SLC30A9: variants seen among roughly 807,000 people sequenced by gnomAD.
SLC30A9 encodes solute carrier family 30 member 9.
SLC30A9 carries 58 observed loss-of-function variants against 87.5 expected under a neutral mutation model. That is an observed-to-expected ratio of 0.66 (90% CI 0.54 to 0.82). The LOEUF (loss-of-function observed/expected upper bound fraction) is 0.82. Ranked by LOEUF, SLC30A9 falls within the 40% of genes least tolerant of loss-of-function variation. The pLI is 0.00. For missense variants in SLC30A9, 557 were observed against 679.1 expected (o/e 0.82, Z 2.00); for synonymous variants, 234 against 233.0 (o/e 1.00, Z -0.04).
intron 1 of SLC30A9, 33 bp downstream of exon 1, chr4:41,990,793 G>A: frequency 1.3e-6 from 2 of 1,519,152 alleles, no homozygotes; most frequent in Non-Finnish European, 1.8e-6. Context: ...TGGCTCCGTA[G>A]AAGCCGAACT....
chr4:42,016,068 G>T (rs1715707005), intron 2 of SLC30A9, among the ~76,000 whole-genome samples: 1 of 152,014 alleles, frequency 6.6e-6, no homozygotes, highest in African/African-American at 2.4e-5. Context: ...TGTGACTTTG[G>T]GGGAAGTTAT....
intron 6 of SLC30A9, among the ~76,000 whole-genome samples, chr4:42,025,709 A>G (rs936142908): frequency 1.3e-5 from 2 of 152,182 alleles, no homozygotes; most frequent in Non-Finnish European, 2.9e-5. Flanking sequence ...TGTGTCACCC[A>G]GGCTGGAGTG....
intron 8 of SLC30A9, among the ~76,000 whole-genome samples, chr4:42,045,575 C>T (rs1162424143): frequency 1.7e-5 from 2 of 115,726 alleles, no homozygotes; most frequent in Non-Finnish European, 3.8e-5. Context: ...TAATTAATAG[C>T]CTATCAACTA....
intron 17 of SLC30A9, among the ~76,000 whole-genome samples, chr4:42,085,494 GCT>G (rs200995566): frequency 1.3e-5 from 2 of 152,166 alleles, no homozygotes. Context: ...ACATACATGT[GCT>G]CATGTAACAC....
intron 17 of SLC30A9, among the ~76,000 whole-genome samples, chr4:42,081,446 A>C (rs981190553): frequency 5.3e-5 from 8 of 152,138 alleles, no homozygotes; most frequent in Admixed American, 1.3e-4. Context: ...TCAGCATAGT[A>C]AAAAAAGCAA....
At chr4:42,008,577 A>T (rs1352130851) in intron 2 of SLC30A9, among the ~76,000 whole-genome samples, 6 of 152,216 alleles carry the variant, frequency 3.9e-5, no homozygotes. Flanking sequence ...GACAGTGTTT[A>T]GAGTGAGGAG....
chr4:42,089,147 A>G lies in SLC30A9; in HGVS notation c.*3021A>G, dbSNP rs1346470418. The G allele has an allele frequency of 6.6e-6, 1 of 152,238 alleles. No individual in the cohort carries two copies. Among genetic ancestry groups the G allele is most frequent in the African/African-American group, 2.4e-5 (1 of 41,458 alleles). 9.4% of individuals were successfully genotyped at this position (152,238 alleles called of 1,614,324 possible). A position where few individuals can be genotyped will look rare whatever the true frequency, so the allele number is the denominator to read the frequency against. ...ATACTGGACAGAGGAGGGGCAGTCA[A>G]GGGTCCATGATTGATTCCTTCTTGC... On this transcript the variant is annotated 3_prime_UTR_variant, in exon 18 of 18. Transcript: ENST00000264451.
intron 1 of SLC30A9, among the ~76,000 whole-genome samples, chr4:42,000,879 A>G (rs1714954961): frequency 6.6e-6 from 1 of 152,102 alleles, no homozygotes; most frequent in East Asian, 1.9e-4. Context: ...TGATATCTAT[A>G]TAGGGTTTTT....
chr4:42,053,178 A>T (rs1315450277), intron 9 of SLC30A9, among the ~76,000 whole-genome samples: 1 of 152,220 alleles, frequency 6.6e-6, no homozygotes, highest in Non-Finnish European at 1.5e-5. Flanking sequence ...CTGCATATCC[A>T]CTATAATGGC....
At chr4:42,021,744 C>T (rs1309663138) in intron 4 of SLC30A9, among the ~76,000 whole-genome samples, 6 of 151,522 alleles carry the variant, frequency 4.0e-5, no homozygotes, top group Non-Finnish European at 5.9e-5. Flanking sequence ...TTCTTCTTTT[C>T]GTTTTTTTTG....
intron 15 of SLC30A9, among the ~76,000 whole-genome samples, chr4:42,072,587 T>C (rs1037489640): frequency 6.6e-6 from 1 of 152,150 alleles, no homozygotes; most frequent in African/African-American, 2.4e-5. Flanking sequence ...TTTATTATTT[T>C]GTTCTATTGT....
chr4:42,033,546 T>G (rs1033328424), intron 6 of SLC30A9, among the ~76,000 whole-genome samples: 3 of 152,190 alleles, frequency 2.0e-5, no homozygotes, highest in African/African-American at 7.2e-5. Flanking sequence ...GCCATACCCT[T>G]CATAAATAAG....
At chr4:42,018,371 C>A in intron 3 of SLC30A9, 1 of 1,193,236 alleles carries the variant, frequency 8.4e-7, no homozygotes, top group South Asian at 1.4e-5. Context: ...GCATTTTTGT[C>A]ACAAATTTTT....
At chr4:42,079,764 C>T (rs956575606) in intron 17 of SLC30A9, among the ~76,000 whole-genome samples, 3 of 151,964 alleles carry the variant, frequency 2.0e-5, no homozygotes, top group Admixed American at 6.6e-5. Context: ...CCCACCACCA[C>T]GCCTGGCTAA....
In SLC30A9 at chr4:42,013,393, A is replaced by G. The variant is rs146692280; in HGVS notation, c.275-4718A>G. 3.6e-3 allele frequency among the ~76,000 whole-genome samples: 555 copies of G among 152,130 alleles called. 6 individuals are homozygous for G. The highest frequency in any genetic ancestry group is 7.3e-3 in the East Asian group (38 of 5,178). ...CAGATACTACTGCAAATCACCCCCT[A>G]CCCACCTTTGCTTTCTGGGCAACAA... is the stretch of plus-strand genomic sequence containing the variant. On this transcript the variant is annotated intron_variant, in intron 2 of 17. Coordinates refer to ENST00000264451, the MANE Select transcript of SLC30A9 (RefSeq NM_006345.4).
rs190028375 is a variant in SLC30A9 at position 42,075,551 on chromosome 4, C to T, written c.1419-106C>T. 2.4e-4 allele frequency: 241 copies of T among 1,004,540 alleles called. No homozygotes were observed. The African/African-American group carries it at 3.7e-3, about 15-fold the overall frequency. 62.2% of individuals were successfully genotyped at this position (1,004,540 alleles called of 1,614,324 possible). A position where few individuals can be genotyped will look rare whatever the true frequency, so the allele number is the denominator to read the frequency against. On this transcript the variant is annotated intron_variant, in intron 15 of 17. Transcript: ENST00000264451. The stretch of plus-strand genomic sequence containing the variant: ...CTCTGAAGCCATCTTAGTCCATTCT[C>T]GTAACTAGTGGGGAAAAAAACAATA...
At chr4:42,047,671 C>A (rs1003595495) in intron 8 of SLC30A9, among the ~76,000 whole-genome samples, 4 of 152,134 alleles carry the variant, frequency 2.6e-5, no homozygotes, top group Admixed American at 6.5e-5. Flanking sequence ...GACAGTGTGG[C>A]GATTCCTCCA....
At chr4:42,026,637 G>A (rs1007356568) in intron 6 of SLC30A9, among the ~76,000 whole-genome samples, 1 of 151,476 alleles carries the variant, frequency 6.6e-6, no homozygotes, top group African/African-American at 2.4e-5. Context: ...GTATTAGAAA[G>A]GGACTGCACT....
At position 41,990,556 on chromosome 4, in the gene SLC30A9, G is replaced by C. The variant is rs1314297743; in HGVS notation, c.-96G>C. On this transcript the variant is annotated 5_prime_UTR_variant, in exon 1 of 18. Transcript: ENST00000264451. Reference sequence around the variant, plus strand: ...GGCAGCTTGTGGCGGCGAAGCCATCGGTGTTCGCTGATGTCCAGTCTATGG... The same window carrying C: ...GGCAGCTTGTGGCGGCGAAGCCATCCGTGTTCGCTGATGTCCAGTCTATGG... The C allele has an allele frequency of 1.5e-6, 1 of 671,648 alleles. No homozygotes were observed. The highest frequency in any genetic ancestry group is 2.4e-6 in the Non-Finnish European group (1 of 409,104). The allele number at this position is 671,648 out of a possible 1,614,324, so 41.6% of individuals were successfully genotyped here. A position where few individuals can be genotyped will look rare whatever the true frequency, so the allele number is the denominator to read the frequency against.
Sources: allele counts gnomAD v4.1 joint callset (sites outside exome capture counted in the v4.1 genomes callset), GRCh38; gene constraint gnomAD v4.1.1; transcripts MANE v1.5; gene names NCBI Gene and HGNC (gene_info 2026-07-23, HGNC 2026-07-21).